Variants in RBFOX1 observed in about 807,000 individuals in gnomAD.
RBFOX1 encodes the protein RNA binding protein fox-1 homolog 1.
Under a neutral mutation model 57.7 loss-of-function variants are expected in RBFOX1, and 8 were observed. That is an observed-to-expected ratio of 0.14 (90% CI 0.08 to 0.25). The LOEUF (loss-of-function observed/expected upper bound fraction) is 0.25. Among genes scored for constraint, RBFOX1 ranks in the 10% least tolerant of loss-of-function variants. The pLI is 1.00. For missense variants in RBFOX1, 611 were observed against 548.5 expected, an observed-to-expected ratio of 1.11 and a Z score of -1.14; for synonymous variants, 326 against 222.4, an observed-to-expected ratio of 1.47 and a Z score of -4.15.
intron 14 of RBFOX1, among the ~76,000 whole-genome samples, chr16:7,689,958 G>C (rs1288222950): frequency 1.3e-5 from 2 of 152,062 alleles, no homozygotes; most frequent in Admixed American, 6.6e-5. Context: ...AAGTAGCTAG[G>C]TTGCCCTGGA....
chr16:7,299,329 A>G (rs2095974558), intron 4 of RBFOX1, among the ~76,000 whole-genome samples: 1 of 152,218 alleles, frequency 6.6e-6, no homozygotes, highest in African/African-American at 2.4e-5. Context: ...GCTCATTTGT[A>G]GTGGGAGCGA....
At chr16:5,847,443 G>C (rs1451841905) in intron 3 of RBFOX1, among the ~76,000 whole-genome samples, 4 of 152,086 alleles carry the variant, frequency 2.6e-5, no homozygotes, top group Non-Finnish European at 4.4e-5. Context: ...TTACAGGAGA[G>C]AGATCTTTTT....
intron 4 of RBFOX1, among the ~76,000 whole-genome samples, chr16:6,007,652 C>A (rs936909646): frequency 6.6e-6 from 1 of 152,184 alleles, no homozygotes; most frequent in Non-Finnish European, 1.5e-5. Context: ...TTTGTTTCCA[C>A]TTTAGTTTGC....
At chr16:7,638,522 C>A (rs1003297238) in intron 11 of RBFOX1, among the ~76,000 whole-genome samples, 1 of 152,166 alleles carries the variant, frequency 6.6e-6, no homozygotes, top group Non-Finnish European at 1.5e-5. Context: ...CTATTTGGGC[C>A]AAGGCTGTGC....
intron 1 of RBFOX1, among the ~76,000 whole-genome samples, chr16:6,133,689 G>A (rs987818097): frequency 6.6e-6 from 1 of 152,086 alleles, no homozygotes; most frequent in Non-Finnish European, 1.5e-5. Flanking sequence ...CACATAGGAC[G>A]CCATCTCTGC....
intron 3 of RBFOX1, among the ~76,000 whole-genome samples, chr16:5,698,983 A>T (rs1312927849): frequency 1.1e-4 from 12 of 109,970 alleles, no homozygotes; most frequent in Admixed American, 3.6e-4. Context: ...ACCTGGTTGG[A>T]TTTTTTTTTT....
chr16:6,216,275 C>T (rs936129827), intron 1 of RBFOX1, among the ~76,000 whole-genome samples: 1 of 151,820 alleles, frequency 6.6e-6, no homozygotes, highest in Non-Finnish European at 1.5e-5. Flanking sequence ...TACCCCTGAA[C>T]GTAAAATAAA....
At chr16:7,514,810 C>A (rs896709931) in intron 4 of RBFOX1, among the ~76,000 whole-genome samples, 13 of 152,172 alleles carry the variant, frequency 8.5e-5, no homozygotes, top group Non-Finnish European at 1.5e-5. Flanking sequence ...CTACAAGGAG[C>A]CTTAGCTCTT....
At chr16:7,561,225 C>T (rs531630877) in intron 5 of RBFOX1, among the ~76,000 whole-genome samples, 9 of 152,206 alleles carry the variant, frequency 5.9e-5, no homozygotes, top group Non-Finnish European at 1.0e-4. Context: ...AAAGTTTTAT[C>T]AAAACACAGC....
intron 3 of RBFOX1, among the ~76,000 whole-genome samples, chr16:5,649,644 T>G (rs1198593111): frequency 6.6e-6 from 1 of 152,212 alleles, no homozygotes; most frequent in Admixed American, 6.5e-5. Context: ...ATGAATTTAT[T>G]TTTATCTTCT....
At chr16:6,362,670 A>C (rs2088802327) in intron 2 of RBFOX1, among the ~76,000 whole-genome samples, 1 of 152,236 alleles carries the variant, frequency 6.6e-6, no homozygotes, top group Admixed American at 6.5e-5. Flanking sequence ...TTTAACCAGA[A>C]GGTGACTGGT....
chr16:6,233,937 A>G (rs1298385452), intron 1 of RBFOX1, among the ~76,000 whole-genome samples: 1 of 152,174 alleles, frequency 6.6e-6, no homozygotes, highest in African/African-American at 2.4e-5. Context: ...ACAGAAATGT[A>G]TTTTATCACA....
At chr16:5,366,653 C>G (rs768672494) in intron 1 of RBFOX1, 5 of 431,634 alleles carry the variant, frequency 1.2e-5, no homozygotes, top group African/African-American at 2.1e-5. Flanking sequence ...GACCAGGAGG[C>G]TATTCCCGAT....
intron 2 of RBFOX1, among the ~76,000 whole-genome samples, chr16:6,412,131 TAAAAAA>T (rs57126566): frequency 0.014 from 1,814 of 133,708 alleles, 30 homozygotes; most frequent in African/African-American, 0.042. Flanking sequence ...AGACTCCATG[TAAAAAA>T]AAAAAAACAA....
At chr16:6,614,848 A>C (rs2098120467) in intron 2 of RBFOX1, among the ~76,000 whole-genome samples, 1 of 152,102 alleles carries the variant, frequency 6.6e-6, no homozygotes, top group South Asian at 2.1e-4. Flanking sequence ...ATCTTAACTA[A>C]TCACTTCTAT....
chr16:5,407,333 T>A (rs1013031930), intron 1 of RBFOX1, among the ~76,000 whole-genome samples: 2 of 151,968 alleles, frequency 1.3e-5, no homozygotes, highest in African/African-American at 4.8e-5. Flanking sequence ...TGCCTAACTA[T>A]ATCAAGTGAC....
At chr16:6,502,958 A>T (rs531286468) in intron 2 of RBFOX1, among the ~76,000 whole-genome samples, 1 of 152,330 alleles carries the variant, frequency 6.6e-6, no homozygotes, top group South Asian at 2.1e-4. Flanking sequence ...ATCTGATATT[A>T]TGGAAAGAAG....
chr16:6,601,021 G>T (rs1182763235), intron 2 of RBFOX1, among the ~76,000 whole-genome samples: 1 of 152,092 alleles, frequency 6.6e-6, no homozygotes, highest in Non-Finnish European at 1.5e-5. Flanking sequence ...GGACATAGAA[G>T]GTAGAGGAAT....
intron 3 of RBFOX1, among the ~76,000 whole-genome samples, chr16:5,753,458 T>C (rs1474749852): frequency 6.6e-6 from 1 of 152,180 alleles, no homozygotes; most frequent in Non-Finnish European, 1.5e-5. Flanking sequence ...TACAACTCCG[T>C]TTCCATATGG....
Sources: allele counts gnomAD v4.1 joint callset (sites outside exome capture counted in the v4.1 genomes callset), GRCh38; gene constraint gnomAD v4.1.1; transcripts MANE v1.5; gene names NCBI Gene and HGNC (gene_info 2026-07-23, HGNC 2026-07-21).